Variants in EPB41L5 observed in about 807,000 individuals in gnomAD.
EPB41L5 encodes band 4.1-like protein 5.
EPB41L5 carries 55 observed loss-of-function variants against 106.6 expected under a neutral mutation model. That is an observed-to-expected ratio of 0.52 (90% confidence interval 0.42 to 0.65). The LOEUF (loss-of-function observed/expected upper bound fraction) is 0.65. Ranked by LOEUF, EPB41L5 falls within the 30% of genes least tolerant of loss-of-function variation. EPB41L5 has a pLI of 0.00. For synonymous variants in EPB41L5, 297 were observed against 306.7 expected, an observed-to-expected ratio of 0.97 and a Z score of 0.33; for missense variants, 871 against 882.1, an observed-to-expected ratio of 0.99 and a Z score of 0.16.
intron 20 of EPB41L5, among the ~76,000 whole-genome samples, chr2:120,157,369 A>G (rs1686946109): frequency 6.6e-6 from 1 of 152,048 alleles, no homozygotes; most frequent in South Asian, 2.1e-4. Flanking sequence ...TAATATCACA[A>G]CTAAAAGGAC....
intron 16 of EPB41L5, among the ~76,000 whole-genome samples, chr2:120,124,832 A>G (rs948283968): frequency 1.3e-5 from 2 of 152,078 alleles, no homozygotes; most frequent in Non-Finnish European, 2.9e-5. Flanking sequence ...GTTCTTTTGT[A>G]GAATGTCTCT....
At chr2:120,019,339 T>C (rs1011025339) in intron 2 of EPB41L5, 75 bp downstream of exon 2, 9 of 1,357,418 alleles carry the variant, frequency 6.6e-6, no homozygotes, top group Non-Finnish European at 9.2e-6. Flanking sequence ...AGCTTTGTAT[T>C]GGTAACTTCT....
At chr2:120,173,349 C>T (rs557617762) in intron 24 of EPB41L5, among the ~76,000 whole-genome samples, 7 of 152,242 alleles carry the variant, frequency 4.6e-5, no homozygotes, top group Admixed American at 2.0e-4. Context: ...TCACCCAGAA[C>T]AGTCAGAACT....
At chr2:120,042,342 A>G (rs1376122203) in intron 3 of EPB41L5, among the ~76,000 whole-genome samples, 1 of 152,168 alleles carries the variant, frequency 6.6e-6, no homozygotes, top group Non-Finnish European at 1.5e-5. Flanking sequence ...AAAAGTTTTC[A>G]GGATGGGGCT....
chr2:120,059,330 C>A (rs939920554), intron 3 of EPB41L5, among the ~76,000 whole-genome samples: 2 of 151,986 alleles, frequency 1.3e-5, no homozygotes, highest in Non-Finnish European at 2.9e-5. Flanking sequence ...AAAATTAACT[C>A]AAAATGGATA....
intron 3 of EPB41L5, among the ~76,000 whole-genome samples, chr2:120,042,758 G>C (rs1405733486): frequency 6.6e-6 from 1 of 152,066 alleles, no homozygotes; most frequent in Non-Finnish European, 1.5e-5. Context: ...TAATAAATTG[G>C]CAATATTTAC....
rs1686399953 is a variant in EPB41L5, at chr2:120,146,279, G to T, written c.1783G>T (p.Ala595Ser). The T allele has an allele frequency of 3.7e-6, 6 of 1,608,358 alleles. No homozygotes were observed. Among genetic ancestry groups the T allele is most frequent in the South Asian group, 1.1e-5 (1 of 90,920 alleles). The change falls in exon 20 of 25, where the codon GCC (alanine) becomes TCC (serine). Residue 595 changes from alanine to serine, a missense_variant. Physicochemically the swap from Ala to Ser is moderately conservative, Grantham distance 99. Coordinates refer to ENST00000263713, the MANE Select transcript of EPB41L5 (RefSeq NM_020909.4). The stretch of plus-strand genomic sequence containing the variant: ...TAAAAATGCCAATGTTCAGGATGCT[G>T]CCACAAACAGGTACAGTTCTGGGTA... ...SHKNANVQDA[A>S]TNSAVLNENN...
chr2:120,115,200 A>G (rs1684892229), intron 16 of EPB41L5, among the ~76,000 whole-genome samples: 1 of 152,050 alleles, frequency 6.6e-6, no homozygotes, highest in South Asian at 2.1e-4. Flanking sequence ...ATGTTTTTTA[A>G]TTCATTTTGC....
chr2:120,029,347 G>A (rs1204682218), intron 2 of EPB41L5, among the ~76,000 whole-genome samples: 1 of 152,022 alleles, frequency 6.6e-6, no homozygotes, highest in Non-Finnish European at 1.5e-5. Context: ...TGTATTTTTA[G>A]TAGAGATTTT....
chr2:120,086,585 G>T (rs1683069635), intron 10 of EPB41L5, among the ~76,000 whole-genome samples: 1 of 152,152 alleles, frequency 6.6e-6, no homozygotes, highest in Middle Eastern at 3.4e-3. Flanking sequence ...AACGTAGCGA[G>T]ATGCCGTCTC....
At chr2:120,024,777 A>G (rs939773023) in intron 2 of EPB41L5, among the ~76,000 whole-genome samples, 3 of 151,872 alleles carry the variant, frequency 2.0e-5, no homozygotes, top group African/African-American at 7.3e-5. Context: ...GGTTTTTGTC[A>G]TTGGTTCTGT....
intron 2 of EPB41L5, among the ~76,000 whole-genome samples, chr2:120,038,973 G>C (rs192182382): frequency 7.9e-5 from 12 of 152,222 alleles, no homozygotes; most frequent in African/African-American, 2.9e-4. Context: ...TATATGCAAT[G>C]GAATATTTTT....
At chr2:120,042,910 T>C (rs1272864689) in intron 3 of EPB41L5, among the ~76,000 whole-genome samples, 2 of 151,658 alleles carry the variant, frequency 1.3e-5, no homozygotes, top group Non-Finnish European at 1.5e-5. Context: ...AGGATAAAAG[T>C]AATATTAAGG....
At chr2:120,022,923 A>G (rs2105136417) in intron 2 of EPB41L5, among the ~76,000 whole-genome samples, 1 of 152,242 alleles carries the variant, frequency 6.6e-6, no homozygotes, top group East Asian at 1.9e-4. Context: ...GCATTTCTCT[A>G]ATGGCCAGTG....
intron 4 of EPB41L5, among the ~76,000 whole-genome samples, 176 bp from the exon 5 acceptor site, chr2:120,073,924 T>C (rs1682052612): frequency 6.6e-6 from 1 of 152,164 alleles, no homozygotes; most frequent in African/African-American, 2.4e-5. Context: ...AATAGTAATA[T>C]GATGGCTTGG....
chr2:120,117,389 A>G (rs1433545247), intron 16 of EPB41L5, among the ~76,000 whole-genome samples: 1 of 152,190 alleles, frequency 6.6e-6, no homozygotes. Context: ...TAGTTGAAGT[A>G]TTGCACTTCA....
intron 3 of EPB41L5, among the ~76,000 whole-genome samples, chr2:120,071,275 G>A (rs1431596038): frequency 6.6e-6 from 1 of 152,178 alleles, no homozygotes; most frequent in East Asian, 1.9e-4. Context: ...ACTCACAAGG[G>A]ATGTGGAGGA....
chr2:120,087,260 C>T lies in EPB41L5; in HGVS notation c.873+20C>T, dbSNP rs1558863120. ...GATCAGGTAGGAATAAAATTATATT[C>T]TATTACTTGTGTAACAGTGACTGTA... On this transcript the variant is annotated intron_variant, in intron 11 of 24. Transcript: ENST00000263713. 7.3e-7 allele frequency: 1 copy of T among 1,368,408 alleles called. No homozygotes were observed. The highest frequency in any genetic ancestry group is 1.4e-5 in the African/African-American group (1 of 69,786). 84.8% of individuals were successfully genotyped at this position (1,368,408 alleles called of 1,614,324 possible).
intron 3 of EPB41L5, among the ~76,000 whole-genome samples, chr2:120,070,741 T>G (rs2105311139): frequency 6.6e-6 from 1 of 152,260 alleles, no homozygotes; most frequent in South Asian, 2.1e-4. Context: ...AAAAACCACA[T>G]GATTATCTCA....
Sources: gnomAD v4.1 joint callset for allele counts (sites outside exome capture counted in the v4.1 genomes callset) on GRCh38, gnomAD v4.1.1 for gene constraint, MANE v1.5 for transcripts, NCBI Gene and HGNC (gene_info 2026-07-23, HGNC 2026-07-21) for gene names.